Variants in HIVEP3 observed in about 807,000 individuals in gnomAD.
The protein encoded by HIVEP3 is transcription factor HIVEP3.
HIVEP3 carries 49 observed loss-of-function variants against 152.8 expected under a neutral mutation model. The observed-to-expected ratio is 0.32, with a 90% confidence interval of 0.26 to 0.41. HIVEP3 has a LOEUF of 0.41. Ranked by LOEUF, HIVEP3 falls within the 10% of genes least tolerant of loss-of-function variation. The pLI, the probability that HIVEP3 is intolerant of heterozygous loss-of-function variation, is 1.00. For synonymous variants in HIVEP3, 1,269 were observed against 1,289.0 expected, an observed-to-expected ratio of 0.98 and a Z score of 0.33; for missense variants, 2,790 against 3,103.3, an observed-to-expected ratio of 0.90 and a Z score of 2.40.
intron 5 of HIVEP3, among the ~76,000 whole-genome samples, chr1:41,560,351 C>T (rs568622509): frequency 8.5e-5 from 13 of 152,176 alleles, no homozygotes; most frequent in African/African-American, 1.9e-4. Context: ...GGACACATGC[C>T]GTGCTCAGAG....
At chr1:41,735,112 G>A (rs945444845) in intron 1 of HIVEP3, among the ~76,000 whole-genome samples, 47 of 152,290 alleles carry the variant, frequency 3.1e-4, no homozygotes, top group African/African-American at 1.0e-3. Flanking sequence ...CTTTGCAGAA[G>A]GCACTATAAT....
rs1021951779 is a variant in HIVEP3 at position 41,873,596 on chromosome 1, T to C, written c.-801+44817A>G. On this transcript the variant is annotated intron_variant, in intron 1 of 8. Coordinates refer to ENST00000372583, the MANE Select transcript of HIVEP3 (RefSeq NM_024503.5). The surrounding 1 kb of genome is among the most constrained non-coding windows in gnomAD (Gnocchi z 4.2). ...AGACACTAAGCTGAAATTAGATAAA[T>C]TTAGGTTTTCTGTATTCTCGCTGAC... Among the ~76,000 whole-genome samples the C allele has an allele frequency of 5.9e-5, 9 of 152,192 alleles. No homozygotes were observed. Among genetic ancestry groups the C allele is most frequent in the Non-Finnish European group, 8.8e-5 (6 of 68,028 alleles).
At chr1:41,748,128 G>C (rs572082577) in intron 1 of HIVEP3, among the ~76,000 whole-genome samples, 3 of 152,280 alleles carry the variant, frequency 2.0e-5, no homozygotes, top group African/African-American at 7.2e-5. Context: ...TAAATGAAAG[G>C]TGAGACTGGT....
intron 5 of HIVEP3, among the ~76,000 whole-genome samples, chr1:41,545,823 A>T (rs1023141291): frequency 4.6e-5 from 7 of 151,914 alleles, no homozygotes; most frequent in Non-Finnish European, 8.8e-5. Flanking sequence ...CACCACCACC[A>T]CTACCATCCT....
In HIVEP3 at chr1:41,717,244, G is replaced by A. The variant is rs75636894; in HGVS notation, c.-800-16249C>T. 9.3e-3 allele frequency among the ~76,000 whole-genome samples: 1,417 copies of A among 152,194 alleles called. 20 individuals carry two copies. Among genetic ancestry groups the A allele is most frequent in the African/African-American group, 0.031 (1,305 of 41,526 alleles). ...TCCCATGGAGCTTGCATTTTCCGACGCTCTTTCCCTTATTCCCTCCAACCA... is the reference window on the plus strand; with the variant it reads ...TCCCATGGAGCTTGCATTTTCCGACACTCTTTCCCTTATTCCCTCCAACCA... On this transcript the variant is annotated intron_variant, in intron 1 of 8. Transcript: ENST00000372583.
At chr1:41,959,091 G>C (rs1470516998) in intron 1 of HIVEP3, among the ~76,000 whole-genome samples, 2 of 152,196 alleles carry the variant, frequency 1.3e-5, no homozygotes, top group South Asian at 2.1e-4. Flanking sequence ...TGATGACAGA[G>C]ATAGACGCTA....
intron 1 of HIVEP3, among the ~76,000 whole-genome samples, chr1:42,027,575 A>C (rs1179719149): frequency 1.3e-5 from 2 of 152,176 alleles, no homozygotes; most frequent in East Asian, 1.9e-4. Context: ...GCTGTTCTTC[A>C]CACAGGTCAA....
chr1:41,776,523 G>A (rs1315104153), intron 1 of HIVEP3, among the ~76,000 whole-genome samples: 1 of 152,230 alleles, frequency 6.6e-6, no homozygotes, highest in African/African-American at 2.4e-5. Context: ...GCTTATGAAA[G>A]GTGGCCCTTT....
intron 1 of HIVEP3, among the ~76,000 whole-genome samples, chr1:41,789,526 T>C (rs187093849): frequency 9.8e-5 from 15 of 152,304 alleles, no homozygotes; most frequent in South Asian, 8.3e-4. Flanking sequence ...CTACAGAAAA[T>C]TTAAAATGAC....
intron 1 of HIVEP3, among the ~76,000 whole-genome samples, chr1:41,757,960 C>T (rs1229241375): frequency 4.6e-5 from 7 of 152,124 alleles, no homozygotes; most frequent in Non-Finnish European, 8.8e-5. Flanking sequence ...CATCCACCTG[C>T]CTCGGCCTCC....
At chr1:41,708,120 C>T (rs1196351337) in intron 1 of HIVEP3, among the ~76,000 whole-genome samples, 1 of 152,192 alleles carries the variant, frequency 6.6e-6, no homozygotes, top group African/African-American at 2.4e-5. Flanking sequence ...CGATAGAATC[C>T]TCTGCCCTAT....
intron 5 of HIVEP3, among the ~76,000 whole-genome samples, chr1:41,566,131 T>A (rs918780247): frequency 1.3e-5 from 2 of 152,212 alleles, no homozygotes; most frequent in Non-Finnish European, 2.9e-5. Context: ...AAGGATCATC[T>A]TTATGGAGTA....
chr1:41,692,308 T>C (rs531606077), intron 2 of HIVEP3, among the ~76,000 whole-genome samples: 2 of 152,346 alleles, frequency 1.3e-5, no homozygotes, highest in Admixed American at 1.3e-4. Context: ...GATTTTACTT[T>C]TTCAAATGGC....
intron 7 of HIVEP3, 151 bp from the exon 8 acceptor site, chr1:41,513,901 C>T (rs1285938470): frequency 8.6e-6 from 5 of 584,572 alleles, no homozygotes; most frequent in Admixed American, 3.6e-5. Context: ...AACCAAGAAA[C>T]GTAACAGATA....
chr1:41,851,545 C>G (rs180792198), intron 1 of HIVEP3, among the ~76,000 whole-genome samples: 1 of 152,108 alleles, frequency 6.6e-6, no homozygotes, highest in Non-Finnish European at 1.5e-5. Context: ...TCGTGATCTG[C>G]CAGCCTCGGC....
At position 41,898,629 on chromosome 1, in the gene HIVEP3, C is replaced by T. The variant is rs532348424; in HGVS notation, c.-801+19784G>A. ...CACCCACCTCTGCATGCTGGAGATA[C>T]ACAGGACGTGGAATAAGTCCTCTCT... On this transcript the variant is annotated intron_variant, in intron 1 of 8. Coordinates refer to ENST00000372583, the MANE Select transcript of HIVEP3 (RefSeq NM_024503.5). 1.1e-4 allele frequency among the ~76,000 whole-genome samples: 16 copies of T among 152,328 alleles called. No individual in the cohort carries two copies. In the South Asian group the frequency reaches 3.3e-3, roughly 32 times the overall value.
chr1:41,861,712 T>TCC (rs1233273702), intron 1 of HIVEP3, among the ~76,000 whole-genome samples: 1 of 152,180 alleles, frequency 6.6e-6, no homozygotes, highest in African/African-American at 2.4e-5. Flanking sequence ...GAGGCCAGAT[T>TCC]TCAGAGAGGT....
intron 4 of HIVEP3, 26 bp downstream of exon 4, chr1:41,579,711 G>A: frequency 6.6e-7 from 1 of 1,525,240 alleles, no homozygotes; most frequent in Non-Finnish European, 8.8e-7. Context: ...AATCAGTGAT[G>A]AGAAGAAAAA....
intron 3 of HIVEP3, among the ~76,000 whole-genome samples, chr1:41,622,473 T>TC (rs1645060428): frequency 6.6e-6 from 1 of 152,128 alleles, no homozygotes; most frequent in East Asian, 1.9e-4. Context: ...ATCCTGTAGG[T>TC]CAAGGGTTGG....
Sources: allele counts gnomAD v4.1 joint callset (sites outside exome capture counted in the v4.1 genomes callset), GRCh38; gene constraint gnomAD v4.1.1; non-coding constraint Gnocchi (gnomAD v3.1); transcripts MANE v1.5; gene names NCBI Gene and HGNC (gene_info 2026-07-23, HGNC 2026-07-21).